Variants in MTMR9 observed in about 807,000 individuals in gnomAD.
The protein encoded by MTMR9 is myotubularin-related protein 9.
MTMR9 carries 39 observed loss-of-function variants against 69.5 expected under a neutral mutation model. The ratio of observed to expected loss-of-function variants is 0.56; its 90% CI spans 0.43 to 0.73. MTMR9 has a LOEUF of 0.73. Among genes scored for constraint, MTMR9 ranks in the 30% least tolerant of loss-of-function variants. The pLI is 0.00. For synonymous variants in MTMR9, 354 were observed against 240.8 expected (o/e 1.47, Z -4.35); for missense variants, 900 against 671.2 (o/e 1.34, Z -3.77).
Position 11,307,433 on chromosome 8 carries a change from A to G in MTMR9, c.809+1026A>G, listed in dbSNP as rs575335353. Among the ~76,000 whole-genome samples the G allele has an allele frequency of 3.3e-5, 5 of 152,244 alleles. No homozygotes were observed. In the South Asian group the frequency reaches 1.0e-3, roughly 32 times the overall value. ...GTATTGTACCACATTTTCTTAATCC[A>G]TTCATCCATTGACGTGCATTTAGGT... On this transcript the variant is annotated intron_variant, in intron 5 of 9. Transcript: ENST00000221086.
rs1042373385 is a variant in MTMR9, at chr8:11,305,643, A to G, written c.592-547A>G. On this transcript the variant is annotated intron_variant, in intron 4 of 9. Coordinates refer to ENST00000221086, the MANE Select transcript of MTMR9 (RefSeq NM_015458.4). ...GTTGGTGGGGTAGTTTTTAGAAACA[A>G]GTAGTTAAATCCTTGAATACTGAAA... 5.9e-5 allele frequency among the ~76,000 whole-genome samples: 9 copies of G among 152,352 alleles called. 1 individual carries two copies. The South Asian group carries it at 1.2e-3, about 21-fold the overall frequency.
Position 11,323,473 on chromosome 8 carries a change from A to C in MTMR9, c.*685A>C, listed in dbSNP as rs541290811. On this transcript the variant is annotated 3_prime_UTR_variant, in exon 10 of 10. Transcript: ENST00000221086. ...AATTTATTTTAACGTAGACACTAAA[A>C]GTATGTGCAATATACAATTAAAGTA... The C allele has an allele frequency of 7.2e-5, 11 of 152,390 alleles. No individual in the cohort carries two copies. The South Asian group carries it at 1.7e-3, about 23-fold the overall frequency. The allele number at this position is 152,390 out of a possible 1,614,324, so 9.4% of individuals were successfully genotyped here. A position where few individuals can be genotyped will look rare whatever the true frequency, so the allele number is the denominator to read the frequency against.
At chr8:11,331,327 TC>T, downstream of MTMR9, 1 of 1,613,956 alleles carries the variant, frequency 6.2e-7, no homozygotes, top group South Asian at 1.1e-5. Flanking sequence ...GAGCTGCTCA[TC>T]TGTCGATGCC....
chr8:11,318,767 C>G (rs1247089132), intron 8 of MTMR9: 2 of 152,130 alleles, frequency 1.3e-5, no homozygotes, highest in Non-Finnish European at 2.9e-5. Context: ...TGTCAAGATT[C>G]ACATTGATTT....
chr8:11,315,363 A>G (rs1800372563), intron 7 of MTMR9, among the ~76,000 whole-genome samples: 1 of 152,196 alleles, frequency 6.6e-6, no homozygotes, highest in Admixed American at 6.5e-5. Flanking sequence ...GTCTTGACGG[A>G]TCAAAGACAT....
rs1799888281 is a variant in MTMR9, at chr8:11,305,026, G to A, written c.591+12G>A. The A allele has an allele frequency of 1.9e-6, 3 of 1,612,106 alleles. No individual in the cohort carries two copies. The East Asian group carries it at 6.7e-5, about 36-fold the overall frequency. Reference sequence around the variant, plus strand: ...AAAAAAATGGGATGGTAAGTGCACAGCACTACTGCTTGATGTACTGAAAGG... The same window carrying A: ...AAAAAAATGGGATGGTAAGTGCACAACACTACTGCTTGATGTACTGAAAGG... On this transcript the variant is annotated intron_variant, in intron 4 of 9. Coordinates refer to ENST00000221086, the MANE Select transcript of MTMR9 (RefSeq NM_015458.4).
In MTMR9 at chr8:11,285,025, A is replaced by T; in HGVS notation, c.137A>T (p.Glu46Val). ...LILSSRQDNT[E>V]ELWLLHSNID... The stretch of plus-strand genomic sequence containing the variant: ...CTGTCCTCCCGGCAGGACAATACGG[A>T]GGAGCTGTGGCTCCTCCATTCAAAC... The change falls in exon 1 of 10, where the codon GAG becomes GTG. Residue 46 changes from glutamate to valine, a missense_variant. Coordinates refer to ENST00000221086, the MANE Select transcript of MTMR9 (RefSeq NM_015458.4). The T allele has an allele frequency of 6.2e-7, 1 of 1,612,620 alleles. No homozygotes were observed. Among genetic ancestry groups the T allele is most frequent in the East Asian group, 2.2e-5 (1 of 44,712 alleles).
intron 5 of MTMR9, among the ~76,000 whole-genome samples, chr8:11,308,368 G>A (rs560487519): frequency 3.3e-5 from 5 of 152,188 alleles, no homozygotes; most frequent in African/African-American, 1.2e-4. Flanking sequence ...TTATTTCTGG[G>A]TTTTATTCTG....
chr8:11,285,067 A>G lies in MTMR9; in HGVS notation c.179A>G (p.Lys60Arg), dbSNP rs1799097163. The G allele has an allele frequency of 1.2e-6, 2 of 1,603,490 alleles. No individual in the cohort carries two copies. The highest frequency in any genetic ancestry group is 1.7e-6 in the Non-Finnish European group (2 of 1,174,104). ...LLHSNIDAID[K>R]RFVGSLGTII... ...CATTCAAACATCGACGCCATCGACA[A>G]GCGGTGAGTGCCCGCCCCACCCCAG... The change falls in exon 1 of 10, where the codon AAG becomes AGG. Residue 60 changes from lysine to arginine, a missense_variant. Physicochemically the swap from Lys to Arg is conservative, Grantham distance 26 (BLOSUM62 2). Coordinates refer to ENST00000221086, the MANE Select transcript of MTMR9 (RefSeq NM_015458.4).
chr8:11,298,711 C>T, intron 2 of MTMR9: 1 of 889,078 alleles, frequency 1.1e-6, no homozygotes, highest in Non-Finnish European at 1.3e-6. Context: ...GGTATCCTTT[C>T]CCCGCTGCAC....
At chr8:11,296,262 C>T (rs1223048520) in intron 2 of MTMR9, among the ~76,000 whole-genome samples, 1 of 152,122 alleles carries the variant, frequency 6.6e-6, no homozygotes, top group Admixed American at 6.6e-5. Flanking sequence ...TAGTACCTAT[C>T]TTTTAGGGCT....
intron 1 of MTMR9, among the ~76,000 whole-genome samples, chr8:11,291,255 T>G (rs1258517470): frequency 6.6e-6 from 1 of 152,164 alleles, no homozygotes; most frequent in Admixed American, 6.5e-5. Flanking sequence ...AGATCTTCCT[T>G]TAAGTCCCTT....
Position 11,298,762 on chromosome 8 carries a change from A to C in MTMR9, c.292-1261A>C, listed in dbSNP as rs796426682. 34 of 971,282 alleles carry C rather than the reference A, an allele frequency of 3.5e-5. No individual in the cohort carries two copies. In the African/African-American group the frequency reaches 6.2e-4, roughly 18 times the overall value. The allele number at this position is 971,282 out of a possible 1,614,324, so 60.2% of individuals were successfully genotyped here. Reference sequence around the variant, plus strand: ...CAGTATAGAAATACTTTTTTCCATAATCCCCCTGTGAGAAGGATGAATCTG... The same window carrying C: ...CAGTATAGAAATACTTTTTTCCATACTCCCCCTGTGAGAAGGATGAATCTG... On this transcript the variant is annotated intron_variant, in intron 2 of 9. Transcript: ENST00000221086.
intron 1 of MTMR9, among the ~76,000 whole-genome samples, chr8:11,294,497 T>A (rs928678294): frequency 7.6e-6 from 1 of 131,400 alleles, no homozygotes; most frequent in Non-Finnish European, 1.5e-5. Flanking sequence ...TCAAATACTT[T>A]CACTTTTTTT....
rs549415840 is a variant in MTMR9, at chr8:11,300,017, C to G, written c.292-6C>G. 1.9e-6 allele frequency: 3 copies of G among 1,602,068 alleles called. No homozygotes were observed. The highest frequency in any genetic ancestry group is 2.6e-6 in the Non-Finnish European group (3 of 1,175,988). ...TTTTTTGTCTTTCTTTTCTTTTTGC[C>G]CCCAGGCATTGTCTACTCTGGACTC... On this transcript the variant is annotated splice_region_variant and splice_polypyrimidine_tract_variant and intron_variant, in intron 2 of 9. Transcript: ENST00000221086.
chr8:11,307,449 G>C (rs1487480969), intron 5 of MTMR9, among the ~76,000 whole-genome samples: 1 of 152,166 alleles, frequency 6.6e-6, no homozygotes, highest in Non-Finnish European at 1.5e-5. Context: ...CCATTGACGT[G>C]CATTTAGGTT....
chr8:11,286,778 A>G (rs1002738962), intron 1 of MTMR9, among the ~76,000 whole-genome samples: 1 of 148,916 alleles, frequency 6.7e-6, no homozygotes, highest in Non-Finnish European at 1.5e-5. Flanking sequence ...TTCTCACTTT[A>G]TTTCTTGCCA....
In MTMR9 at chr8:11,321,515, A is replaced by G. The variant is rs184499048; in HGVS notation, c.1487-1110A>G. The G allele has an allele frequency of 1.8e-3, 807 of 456,768 alleles. 7 individuals are homozygous for G. Among genetic ancestry groups the G allele is most frequent in the Middle Eastern group, 8.8e-3 (27 of 3,076 alleles). The allele number at this position is 456,768 out of a possible 1,614,324, so 28.3% of individuals were successfully genotyped here. On this transcript the variant is annotated intron_variant, in intron 9 of 9. Transcript: ENST00000221086. The stretch of plus-strand genomic sequence containing the variant: ...AAACCTCCTTGTGGAGCTTAGAGAT[A>G]AGTGATGGGATGAAATCCTTGTTCT...
At chr8:11,287,072 CTA>C (rs1271566008) in intron 1 of MTMR9, among the ~76,000 whole-genome samples, 2 of 152,224 alleles carry the variant, frequency 1.3e-5, no homozygotes, top group Non-Finnish European at 2.9e-5. Context: ...TGTTACCTGT[CTA>C]TGAGTATTCA....
Sources: allele counts gnomAD v4.1 joint callset (sites outside exome capture counted in the v4.1 genomes callset), GRCh38; gene constraint gnomAD v4.1.1; transcripts MANE v1.5; gene names NCBI Gene and HGNC (gene_info 2026-07-23, HGNC 2026-07-21).